Variants in KLHL29 observed in about 807,000 individuals in gnomAD.
KLHL29 encodes the protein kelch-like protein 29.
In KLHL29, 21 loss-of-function variants were observed where a neutral mutation model predicts 80.4. The observed-to-expected ratio is 0.26, with a 90% CI of 0.19 to 0.38. KLHL29 has a LOEUF of 0.38. Among genes scored for constraint, KLHL29 ranks in the 10% least tolerant of loss-of-function variants. The pLI is 1.00. For missense variants in KLHL29, 867 were observed against 1,223.9 expected (o/e 0.71, Z 4.35); for synonymous variants, 511 against 526.8 (o/e 0.97, Z 0.41).
At chr2:23,649,634 C>T (rs1346746607) in intron 5 of KLHL29, among the ~76,000 whole-genome samples, 1 of 152,246 alleles carries the variant, frequency 6.6e-6, no homozygotes, top group African/African-American at 2.4e-5. Flanking sequence ...TATGGGCCTT[C>T]AGCCCCAAAT....
At chr2:23,693,160 G>A (rs538880042) in intron 7 of KLHL29, 109 bp from the exon 8 acceptor site, 2 of 1,190,702 alleles carry the variant, frequency 1.7e-6, no homozygotes, top group Admixed American at 3.9e-5. Context: ...CTGCAGTCAG[G>A]GTCCCCCGGG....
At chr2:23,515,749 C>T (rs113026844) in intron 2 of KLHL29, among the ~76,000 whole-genome samples, 3,130 of 152,252 alleles carry the variant, frequency 0.021, 101 homozygotes, top group African/African-American at 0.07. Flanking sequence ...TATTAATACA[C>T]AATTGTTTGT....
chr2:23,519,120 T>A (rs1221768452), intron 2 of KLHL29, among the ~76,000 whole-genome samples: 1 of 152,078 alleles, frequency 6.6e-6, no homozygotes, highest in Non-Finnish European at 1.5e-5. Flanking sequence ...TTTCTCATGT[T>A]CTGTGGGGTC....
At chr2:23,490,399 A>G (rs1394531646) in intron 2 of KLHL29, among the ~76,000 whole-genome samples, 1 of 152,214 alleles carries the variant, frequency 6.6e-6, no homozygotes, top group Non-Finnish European at 1.5e-5. Flanking sequence ...TGAATACAAG[A>G]GAAGAATTTT....
chr2:23,558,178 G>C (rs1010827), intron 2 of KLHL29, among the ~76,000 whole-genome samples: 23,132 of 142,418 alleles, frequency 0.16, 2,596 homozygotes, highest in African/African-American at 0.3. Context: ...TGCCCAGAAA[G>C]AGGACATACT....
chr2:23,693,463 G>A lies in KLHL29; in HGVS notation c.1477G>A (p.Ala493Thr). ...CTCCAACGACAGCCTCAACACCAAG[G>A]CTGAGGAGCTGGTGTACGAGACAGT... ...YVSNDSLNTK[A>T]EELVYETVIK... The change falls in exon 8 of 14, where the codon GCT becomes ACT. Residue 493 changes from alanine (A) to threonine (T), a missense_variant. Physicochemically the swap from Ala to Thr is moderately conservative, Grantham distance 58. Coordinates refer to ENST00000486442, the MANE Select transcript of KLHL29 (RefSeq NM_052920.2). 1 of 1,551,712 alleles carries A rather than the reference G, an allele frequency of 6.4e-7. No individual in the cohort carries two copies. Among genetic ancestry groups the A allele is most frequent in the African/African-American group, 1.4e-5 (1 of 73,178 alleles).
In KLHL29 at chr2:23,442,768, A is replaced by G. The variant is rs115524326; in HGVS notation, c.-153-32792A>G. Reference sequence around the variant, plus strand: ...CCCCAGAGTCTGTGTGGGAGGGGCCATACACAGAGGCATGGATCTAGGAGC... The same window carrying G: ...CCCCAGAGTCTGTGTGGGAGGGGCCGTACACAGAGGCATGGATCTAGGAGC... On this transcript the variant is annotated intron_variant, in intron 1 of 13. Coordinates refer to ENST00000486442, the MANE Select transcript of KLHL29 (RefSeq NM_052920.2). Among the ~76,000 whole-genome samples the G allele has an allele frequency of 9.1e-3, 1,391 of 152,320 alleles. 24 individuals carry two copies. Among genetic ancestry groups the G allele is most frequent in the African/African-American group, 0.032 (1,345 of 41,562 alleles).
chr2:23,440,829 A>G (rs1345615263), intron 1 of KLHL29, among the ~76,000 whole-genome samples: 1 of 152,164 alleles, frequency 6.6e-6, no homozygotes, highest in Non-Finnish European at 1.5e-5. Flanking sequence ...TCAGGAAACA[A>G]CAGGTGCTGG....
At chr2:23,467,657 G>A (rs1664387679) in intron 1 of KLHL29, among the ~76,000 whole-genome samples, 1 of 152,134 alleles carries the variant, frequency 6.6e-6, no homozygotes, top group Admixed American at 6.5e-5. Context: ...TGTAGGCTTG[G>A]GCTCAAAGGA....
chr2:23,614,074 C>T (rs542414503), intron 3 of KLHL29, among the ~76,000 whole-genome samples: 3 of 152,302 alleles, frequency 2.0e-5, no homozygotes, highest in East Asian at 1.9e-4. Context: ...GCGTATCTGA[C>T]GGCCTCCTTT....
In KLHL29 at chr2:23,565,855, G is replaced by A. The variant is rs182525566; in HGVS notation, c.285+3374G>A. Among the ~76,000 whole-genome samples the A allele has an allele frequency of 3.7e-3, 557 of 152,328 alleles. 2 individuals are homozygous for A. The highest frequency in any genetic ancestry group is 0.013 in the African/African-American group (530 of 41,570). On this transcript the variant is annotated intron_variant, in intron 3 of 13. Coordinates refer to ENST00000486442, the MANE Select transcript of KLHL29 (RefSeq NM_052920.2). ...CTGTCCCTGAGGAAAGTGACTGGGG[G>A]ACTAGTGTCAGTACTGTGAGGCCTT...
intron 2 of KLHL29, among the ~76,000 whole-genome samples, chr2:23,518,407 AG>A (rs1300319318): frequency 6.6e-6 from 1 of 152,198 alleles, no homozygotes; most frequent in African/African-American, 2.4e-5. Flanking sequence ...TTAGGGAGCA[AG>A]AGCCTGGCTG....
chr2:23,654,099 A>G (rs530473914), intron 5 of KLHL29, among the ~76,000 whole-genome samples: 2 of 152,166 alleles, frequency 1.3e-5, no homozygotes, highest in South Asian at 4.2e-4. Context: ...CCCAGGAGGT[A>G]GAGGTTGCAG....
In KLHL29 at chr2:23,499,655, CCT is replaced by C. The variant is rs1374413442; in HGVS notation, c.-46+23989_-46+23990del. 2.6e-5 allele frequency among the ~76,000 whole-genome samples: 4 copies of C among 152,286 alleles called. No homozygotes were observed. The South Asian group carries it at 8.3e-4, about 32-fold the overall frequency. ...GGGAAGAGGAGAAAGGTCTTCAGCCCCTTGGGCACACAGAGACAGCACTGTCG... is the reference window on the plus strand; with the variant it reads ...GGGAAGAGGAGAAAGGTCTTCAGCCCTGGGCACACAGAGACAGCACTGTCG... On this transcript the variant is annotated intron_variant, in intron 2 of 13. Coordinates refer to ENST00000486442, the MANE Select transcript of KLHL29 (RefSeq NM_052920.2).
chr2:23,685,307 A>AG (rs1281220883), intron 6 of KLHL29: 6 of 152,034 alleles, frequency 3.9e-5, no homozygotes, highest in Admixed American at 6.5e-5. Context: ...CAAAGAAGTC[A>AG]GGGGCCACCT....
intron 2 of KLHL29, among the ~76,000 whole-genome samples, chr2:23,492,083 G>C (rs1157259381): frequency 6.6e-6 from 1 of 152,200 alleles, no homozygotes; most frequent in Non-Finnish European, 1.5e-5. Context: ...CCCAGCGGGA[G>C]CTCTAGGATG....
intron 13 of KLHL29, among the ~76,000 whole-genome samples, chr2:23,704,810 A>G (rs56152044): frequency 0.092 from 13,980 of 152,302 alleles, 785 homozygotes; most frequent in Middle Eastern, 0.17. Context: ...CAGGACTCCC[A>G]TAGCAGATGC....
intron 1 of KLHL29, among the ~76,000 whole-genome samples, chr2:23,406,745 A>G (rs1320553612): frequency 2.0e-5 from 3 of 152,204 alleles, no homozygotes; most frequent in Non-Finnish European, 4.4e-5. Context: ...TCAAGTGAAG[A>G]TAATATACCA....
At chr2:23,552,213 G>A (rs1348119117) in intron 2 of KLHL29, among the ~76,000 whole-genome samples, 2 of 152,146 alleles carry the variant, frequency 1.3e-5, no homozygotes, top group Non-Finnish European at 2.9e-5. Context: ...AGCACCTCCC[G>A]TTTAAGTGCT....
Sources: allele counts gnomAD v4.1 joint callset (sites outside exome capture counted in the v4.1 genomes callset), GRCh38; gene constraint gnomAD v4.1.1; transcripts MANE v1.5; gene names NCBI Gene and HGNC (gene_info 2026-07-23, HGNC 2026-07-21).